Variants in EML4 observed in about 807,000 individuals in gnomAD.
The protein encoded by EML4 is EMAP like 4, also known as echinoderm microtubule-associated protein-like 4.
EML4 carries 72 observed loss-of-function variants against 129.0 expected under a neutral mutation model. That is an observed-to-expected ratio of 0.56 (90% CI 0.46 to 0.68). The LOEUF (loss-of-function observed/expected upper bound fraction) is 0.68, where lower values mean the gene tolerates loss of function less well. Ranked by LOEUF, EML4 falls within the 30% of genes least tolerant of loss-of-function variation. The pLI, the probability that EML4 is intolerant of heterozygous loss-of-function variation, is 0.00. For synonymous variants in EML4, 532 were observed against 405.0 expected (o/e 1.31, Z -3.77); for missense variants, 1,363 against 1,190.6 (o/e 1.14, Z -2.13).
chr2:42,325,846 T>G (rs1447074743), intron 20 of EML4, among the ~76,000 whole-genome samples: 2 of 151,578 alleles, frequency 1.3e-5, no homozygotes, highest in African/African-American at 2.4e-5. Flanking sequence ...AATAAGAAAT[T>G]ACTCTGTCAA....
chr2:42,306,638 G>A lies in EML4; in HGVS notation c.1967+2087G>A, dbSNP rs951969427. On this transcript the variant is annotated intron_variant, in intron 17 of 22. Coordinates refer to ENST00000318522, the MANE Select transcript of EML4 (RefSeq NM_019063.5). ...CTCCAAAGTAGCTGGGACTACAGGC[G>A]CCCTGCCACCACGCCTGGCTAATTT... Among the ~76,000 whole-genome samples the A allele has an allele frequency of 4.0e-5, 6 of 149,216 alleles. No homozygotes were observed. In the East Asian group the frequency reaches 5.9e-4, roughly 15 times the overall value.
intron 5 of EML4, 134 bp from the exon 6 acceptor site, chr2:42,264,572 T>C (rs1665946014): frequency 3.1e-6 from 2 of 640,380 alleles, no homozygotes; most frequent in Non-Finnish European, 5.5e-6. Flanking sequence ...AAATGCTGAT[T>C]TCTTACTTTC....
intron 2 of EML4, among the ~76,000 whole-genome samples, chr2:42,246,969 G>A (rs1345183947): frequency 6.6e-6 from 1 of 152,208 alleles, no homozygotes; most frequent in Non-Finnish European, 1.5e-5. Context: ...AAGAATAATT[G>A]TAGAATTGAG....
chr2:42,231,738 A>G (rs1674358965), intron 1 of EML4, among the ~76,000 whole-genome samples: 1 of 152,204 alleles, frequency 6.6e-6, no homozygotes, highest in African/African-American at 2.4e-5. Context: ...TCACGAGGTC[A>G]GGAGATCGAG....
chr2:42,256,409 C>A, intron 2 of EML4, 92 bp from the exon 3 acceptor site: 4 of 1,279,878 alleles, frequency 3.1e-6, no homozygotes, highest in Non-Finnish European at 4.3e-6. Flanking sequence ...TTTTCTACCA[C>A]CCCCTCCTTC....
chr2:42,271,728 C>T (rs865921535), intron 6 of EML4, among the ~76,000 whole-genome samples: 1 of 152,080 alleles, frequency 6.6e-6, no homozygotes. Flanking sequence ...AAAATCTAAA[C>T]TAGAAAATGT....
At chr2:42,277,756 A>G (rs1666740861) in intron 6 of EML4, among the ~76,000 whole-genome samples, 1 of 152,012 alleles carries the variant, frequency 6.6e-6, no homozygotes, top group African/African-American at 2.4e-5. Flanking sequence ...TTTAGTAGAG[A>G]CGGGGTTTCA....
intron 10 of EML4, among the ~76,000 whole-genome samples, chr2:42,286,995 G>C (rs1323872705): frequency 5.3e-5 from 8 of 152,104 alleles, no homozygotes; most frequent in Non-Finnish European, 1.2e-4. Context: ...TTCTTGAATT[G>C]TATGTAATTA....
chr2:42,234,936 C>G (rs1674565404), intron 1 of EML4, among the ~76,000 whole-genome samples: 1 of 152,198 alleles, frequency 6.6e-6, no homozygotes, highest in Admixed American at 6.5e-5. Context: ...GCGGGTGGAT[C>G]ACTGGAGGCC....
chr2:42,188,307 G>C (rs1156240925), intron 1 of EML4, among the ~76,000 whole-genome samples: 1 of 152,046 alleles, frequency 6.6e-6, no homozygotes, highest in Non-Finnish European at 1.5e-5. Flanking sequence ...TAATGTAGAG[G>C]ACCTCCTGGG....
At chr2:42,278,953 T>C (rs1422307857) in intron 6 of EML4, among the ~76,000 whole-genome samples, 1 of 151,722 alleles carries the variant, frequency 6.6e-6, no homozygotes, top group Non-Finnish European at 1.5e-5. Context: ...AAAAAATGTA[T>C]TGATTTGATT....
At chr2:42,244,697 A>G (rs1475453217) in intron 1 of EML4, among the ~76,000 whole-genome samples, 3 of 152,200 alleles carry the variant, frequency 2.0e-5, no homozygotes, top group Non-Finnish European at 4.4e-5. Context: ...GATAGTAAAA[A>G]GTAAAGTAGT....
chr2:42,257,394 G>A (rs1202942091), intron 3 of EML4, among the ~76,000 whole-genome samples: 1 of 152,176 alleles, frequency 6.6e-6, no homozygotes, highest in Non-Finnish European at 1.5e-5. Flanking sequence ...ATAAGATCAT[G>A]TGTAACAATG....
At chr2:42,286,869 T>G (rs1667335311) in intron 10 of EML4, among the ~76,000 whole-genome samples, 1 of 152,236 alleles carries the variant, frequency 6.6e-6, no homozygotes, top group South Asian at 2.1e-4. Context: ...TATCTTGGTT[T>G]TGAATTGATG....
intron 1 of EML4, among the ~76,000 whole-genome samples, chr2:42,206,312 C>G (rs955535322): frequency 2.6e-5 from 4 of 152,186 alleles, no homozygotes; most frequent in African/African-American, 9.7e-5. Context: ...TTCCTGGGCT[C>G]AAGTGATCCT....
At chr2:42,220,851 G>C (rs947735661) in intron 1 of EML4, among the ~76,000 whole-genome samples, 2 of 152,156 alleles carry the variant, frequency 1.3e-5, no homozygotes, top group African/African-American at 4.8e-5. Flanking sequence ...GAGAATGTTT[G>C]CATGTTCTGA....
At chr2:42,255,318 C>T (rs1011018486) in intron 2 of EML4, among the ~76,000 whole-genome samples, 16 of 152,054 alleles carry the variant, frequency 1.1e-4, no homozygotes, top group Admixed American at 7.2e-4. Context: ...ATCTCCTGAC[C>T]TCGTGATCCG....
chr2:42,299,176 A>G (rs1668131475), intron 13 of EML4, among the ~76,000 whole-genome samples: 2 of 152,224 alleles, frequency 1.3e-5, no homozygotes, highest in Admixed American at 6.5e-5. Flanking sequence ...GAATTGGGCA[A>G]GTTCTCCTCC....
At chr2:42,309,594 G>A (rs1668815975) in intron 17 of EML4, among the ~76,000 whole-genome samples, 1 of 152,012 alleles carries the variant, frequency 6.6e-6, no homozygotes, top group Admixed American at 6.6e-5. Context: ...CATCCTAGTG[G>A]GTGTGAAGTA....
Sources: allele counts gnomAD v4.1 joint callset (sites outside exome capture counted in the v4.1 genomes callset), GRCh38; gene constraint gnomAD v4.1.1; transcripts MANE v1.5; gene names NCBI Gene and HGNC (gene_info 2026-07-23, HGNC 2026-07-21).